The following MARCKSL1 variants were observed in gnomAD, a reference collection of about 807,000 sequenced individuals.
The protein encoded by MARCKSL1 is MARCKS like 1, also known as MARCKS-related protein.
In MARCKSL1, 5 loss-of-function variants were observed where a neutral mutation model predicts 13.3. That is an observed-to-expected ratio of 0.38 (90% CI 0.20 to 0.79). MARCKSL1 has a LOEUF of 0.79. Ranked by LOEUF, MARCKSL1 falls within the 30% of genes least tolerant of loss-of-function variation. MARCKSL1 has a pLI of 0.45. For synonymous variants in MARCKSL1, 126 were observed against 103.2 expected (o/e 1.22, Z -1.34); for missense variants, 274 against 251.6 (o/e 1.09, Z -0.60).
rs932506198 is a variant in MARCKSL1, at chr1:32,334,256, A to T, written c.*341T>A. On this transcript the variant is annotated 3_prime_UTR_variant, in exon 2 of 2. Transcript: ENST00000329421. The stretch of plus-strand genomic sequence containing the variant: ...AGGGATTTGGGGAGTAGGGTAAACA[A>T]AACCTACTTGGAAAAGAATTGGGGA... 1 of 211,690 alleles carries T rather than the reference A, an allele frequency of 4.7e-6. No individual in the cohort carries two copies. Among genetic ancestry groups the T allele is most frequent in the African/African-American group, 2.3e-5 (1 of 43,764 alleles). 13.1% of individuals were successfully genotyped at this position (211,690 alleles called of 1,614,324 possible). A position where few individuals can be genotyped will look rare whatever the true frequency, so the allele number is the denominator to read the frequency against.
chr1:32,334,774 C>T lies in MARCKSL1; in HGVS notation c.411G>A (p.Glu137=), dbSNP rs755357272. 21 of 1,611,390 alleles carry T rather than the reference C, an allele frequency of 1.3e-5. No individual in the cohort carries two copies. The highest frequency in any genetic ancestry group is 1.7e-5 in the Non-Finnish European group (20 of 1,179,794). ...CGGCCTTCCCTTCCTGAGCAGTGCC[C>T]TCGTCGCTGCAGGCACCGATCTCCC... The part of the protein sequence containing the change: ...EQGEIGACSD[E]GTAQEGKAAA... Residue 137 remains glutamate, a synonymous_variant, in exon 2 of 2, where the codon GAG becomes GAA. Coordinates refer to ENST00000329421, the MANE Select transcript of MARCKSL1 (RefSeq NM_023009.7).
At position 32,334,663 on chromosome 1, in the gene MARCKSL1, T is replaced by A; in HGVS notation, c.522A>T (p.Thr174=). Residue 174 remains threonine (T), a synonymous_variant, in exon 2 of 2, where the codon ACA becomes ACT. Coordinates refer to ENST00000329421, the MANE Select transcript of MARCKSL1 (RefSeq NM_023009.7). ...CCGGCCCCGAGGGAGTGGATGGCTC[T>A]GTAGCCTGGGGCCCTGCCTCTTCTT... is the stretch of plus-strand genomic sequence containing the variant. ...ASEEEAGPQA[T]EPSTPSGPES... The A allele has an allele frequency of 1.2e-6, 2 of 1,610,846 alleles. No homozygotes were observed. The highest frequency in any genetic ancestry group is 1.7e-6 in the Non-Finnish European group (2 of 1,178,730).
rs1298885744 is a variant in MARCKSL1, at chr1:32,334,671, G to A, written c.514C>T (p.Gln172Ter). 6.2e-7 allele frequency: 1 copy of A among 1,611,678 alleles called. No homozygotes were observed. Residue 172 changes from glutamine to a stop codon, truncating the protein, a stop_gained, in exon 2 of 2, where the codon CAG becomes TAG. Coordinates refer to ENST00000329421, the MANE Select transcript of MARCKSL1 (RefSeq NM_023009.7). LOFTEE classifies it high-confidence loss of function. Reference protein sequence around the residue: ...SAASEEEAGPQATEPSTPSGP... With the variant: ...SAASEEEAGP ...GAGGGAGTGGATGGCTCTGTAGCCTGGGGCCCTGCCTCTTCTTCTGAGGCT... is the reference window on the plus strand; with the variant it reads ...GAGGGAGTGGATGGCTCTGTAGCCTAGGGCCCTGCCTCTTCTTCTGAGGCT...
rs757788942 is a variant in MARCKSL1, at chr1:32,335,104, G to C, written c.88-7C>G. 4 of 1,519,714 alleles carry C rather than the reference G, an allele frequency of 2.6e-6. No homozygotes were observed. The highest frequency in any genetic ancestry group is 3.5e-6 in the Non-Finnish European group (4 of 1,135,642). The allele number at this position is 1,519,714 out of a possible 1,614,324, so 94.1% of individuals were successfully genotyped here. Reference sequence around the variant, plus strand: ...TTTTCACGTGGCCATTCTCCTGCAGGGCAGAGGGAATAGCAATGAGGGCAG... The same window carrying C: ...TTTTCACGTGGCCATTCTCCTGCAGCGCAGAGGGAATAGCAATGAGGGCAG... On this transcript the variant is annotated splice_polypyrimidine_tract_variant and splice_region_variant and intron_variant, in intron 1 of 1. Coordinates refer to ENST00000329421, the MANE Select transcript of MARCKSL1 (RefSeq NM_023009.7). The surrounding 1 kb of genome is among the most constrained non-coding windows in gnomAD (Gnocchi z 4.1).
rs1405562320 is a variant in MARCKSL1, at chr1:32,334,687, T to G, written c.498A>C (p.Glu166Asp). ...CTGTAGCCTGGGGCCCTGCCTCTTC[T>G]TCTGAGGCTGCACTAGCCTCTGCCC... ...AKGAEASAAS[E>D]EEAGPQATEP... is the part of the protein sequence containing the mutation. The change falls in exon 2 of 2, where the codon GAA (glutamate) becomes GAC (aspartate). Residue 166 changes from glutamate (E) to aspartate (D), a missense_variant. Transcript: ENST00000329421. The G allele has an allele frequency of 6.2e-7, 1 of 1,612,188 alleles. No individual in the cohort carries two copies. The highest frequency in any genetic ancestry group is 8.5e-7 in the Non-Finnish European group (1 of 1,179,720).
Position 32,335,865 on chromosome 1 carries a change from C to T in MARCKSL1, c.87+82G>A, listed in dbSNP as rs905179936. On this transcript the variant is annotated intron_variant, in intron 1 of 1. Coordinates refer to ENST00000329421, the MANE Select transcript of MARCKSL1 (RefSeq NM_023009.7). The surrounding 1 kb of genome is among the most constrained non-coding windows in gnomAD (Gnocchi z 4.1). Reference sequence around the variant, plus strand: ...CGTGTCCCGGGCCGGACAAAGCGCGCGGCCCCGGCCCCGGCCCCGGGCCCT... The same window carrying T: ...CGTGTCCCGGGCCGGACAAAGCGCGTGGCCCCGGCCCCGGCCCCGGGCCCT... The T allele has an allele frequency of 2.5e-5, 19 of 748,684 alleles. No individual in the cohort carries two copies. The African/African-American group carries it at 2.9e-4, about 12-fold the overall frequency. 46.4% of individuals were successfully genotyped at this position (748,684 alleles called of 1,614,324 possible). A position where few individuals can be genotyped will look rare whatever the true frequency, so the allele number is the denominator to read the frequency against.
At position 32,335,838 on chromosome 1, in the gene MARCKSL1, C is replaced by G. The variant is rs1641382557; in HGVS notation, c.87+109G>C. ...AGGGACCGGGCGGGGGAGGGGGCGC[C>G]GCGTGTCCCGGGCCGGACAAAGCGC... On this transcript the variant is annotated intron_variant, in intron 1 of 1. Transcript: ENST00000329421. The surrounding 1 kb of genome is among the most constrained non-coding windows in gnomAD (Gnocchi z 4.1). The G allele has an allele frequency of 2.1e-6, 1 of 484,662 alleles. No homozygotes were observed. Among genetic ancestry groups the G allele is most frequent in the Non-Finnish European group, 3.2e-6 (1 of 315,492 alleles). The allele number at this position is 484,662 out of a possible 1,614,324, so 30.0% of individuals were successfully genotyped here.
rs1641378016 is a variant in MARCKSL1 at position 32,335,668 on chromosome 1, T to C, written c.87+279A>G. Among the ~76,000 whole-genome samples the C allele has an allele frequency of 6.6e-6, 1 of 151,282 alleles. No individual in the cohort carries two copies. Among genetic ancestry groups the C allele is most frequent in the South Asian group, 2.1e-4 (1 of 4,812 alleles). Reference sequence around the variant, plus strand: ...CCCCTTGGCGTGGCCCAGCAGCGCCTTTGTTCCCCGCGCGGCACTCGGGGC... The same window carrying C: ...CCCCTTGGCGTGGCCCAGCAGCGCCCTTGTTCCCCGCGCGGCACTCGGGGC... On this transcript the variant is annotated intron_variant, in intron 1 of 1. Coordinates refer to ENST00000329421, the MANE Select transcript of MARCKSL1 (RefSeq NM_023009.7). This position sits in a 1 kb window ranked among gnomAD's most constrained non-coding sequence, Gnocchi z 4.1.
In MARCKSL1 at chr1:32,336,044, T is replaced by C. The variant is rs1472743937; in HGVS notation, c.-11A>G. On this transcript the variant is annotated 5_prime_UTR_variant, in exon 1 of 2. Coordinates refer to ENST00000329421, the MANE Select transcript of MARCKSL1 (RefSeq NM_023009.7). ...GCTCTGGCTGCCCATGATGGGGGTC[T>C]GCTGGGGGGCGCTTGGAGCCGCCCC... is the stretch of plus-strand genomic sequence containing the variant. 1 of 1,203,026 alleles carries C rather than the reference T, an allele frequency of 8.3e-7. No homozygotes were observed. The highest frequency in any genetic ancestry group is 1.0e-6 in the Non-Finnish European group (1 of 963,348). The allele number at this position is 1,203,026 out of a possible 1,614,324, so 74.5% of individuals were successfully genotyped here. A position where few individuals can be genotyped will look rare whatever the true frequency, so the allele number is the denominator to read the frequency against.
rs1253919778 is a variant in MARCKSL1, at chr1:32,335,148, C to T, written c.88-51G>A. On this transcript the variant is annotated intron_variant, in intron 1 of 1. Coordinates refer to ENST00000329421, the MANE Select transcript of MARCKSL1 (RefSeq NM_023009.7). This position sits in a 1 kb window ranked among gnomAD's most constrained non-coding sequence, Gnocchi z 4.1. ...AGGGCAGGGGCTCCCCCTCCCCCAG[C>T]CCGCTTCTGATCCCTTCTAGAGGAA... 2.7e-6 allele frequency: 4 copies of T among 1,493,890 alleles called. No homozygotes were observed. The highest frequency in any genetic ancestry group is 3.6e-6 in the Non-Finnish European group (4 of 1,123,468). 92.5% of individuals were successfully genotyped at this position (1,493,890 alleles called of 1,614,324 possible).
rs1340740890 is a variant in MARCKSL1, at chr1:32,336,098, G to A, written c.-65C>T. ...CTCGCGCCGCAGGGGATAGTACGGC[G>A]GGGTCGGCCCGGCCGGCGGAGGGGT... On this transcript the variant is annotated 5_prime_UTR_variant, in exon 1 of 2. Transcript: ENST00000329421. The A allele has an allele frequency of 2.1e-6, 2 of 972,348 alleles. No homozygotes were observed. The highest frequency in any genetic ancestry group is 2.7e-6 in the Non-Finnish European group (2 of 743,944). The allele number at this position is 972,348 out of a possible 1,614,324, so 60.2% of individuals were successfully genotyped here.
In MARCKSL1 at chr1:32,335,290, G is replaced by A. The variant is rs560367380; in HGVS notation, c.88-193C>T. ...TCACGGGCGCGCGGGGAGCGAGCGC[G>A]CAGAGGGCGCGACCGGCAGGAGGCG... On this transcript the variant is annotated intron_variant, in intron 1 of 1. Transcript: ENST00000329421. This position sits in a 1 kb window ranked among gnomAD's most constrained non-coding sequence, Gnocchi z 4.1. Among the ~76,000 whole-genome samples, 1 of 152,140 alleles carries A rather than the reference G, an allele frequency of 6.6e-6. No homozygotes were observed. Among genetic ancestry groups the A allele is most frequent in the African/African-American group, 2.4e-5 (1 of 41,454 alleles).
rs1444985806 is a variant in MARCKSL1 at position 32,335,582 on chromosome 1, G to A, written c.87+365C>T. Among the ~76,000 whole-genome samples, 1 of 151,518 alleles carries A rather than the reference G, an allele frequency of 6.6e-6. No homozygotes were observed. The highest frequency in any genetic ancestry group is 1.5e-5 in the Non-Finnish European group (1 of 67,722). On this transcript the variant is annotated intron_variant, in intron 1 of 1. Transcript: ENST00000329421. This position sits in a 1 kb window ranked among gnomAD's most constrained non-coding sequence, Gnocchi z 4.1. ...AAAAAAAAAGACCGTGGGCCACCGA[G>A]GTCGGGTCGGCGGGTGGAGTGCGCT...
In MARCKSL1 at chr1:32,335,864, GCGGCCCCGGCCC is replaced by G. The variant is rs919329416; in HGVS notation, c.87+71_87+82del. 29 of 749,372 alleles carry G rather than the reference GCGGCCCCGGCCC, an allele frequency of 3.9e-5. No individual in the cohort carries two copies. Among genetic ancestry groups the G allele is most frequent in the African/African-American group, 3.9e-4 (21 of 54,326 alleles). 46.4% of individuals were successfully genotyped at this position (749,372 alleles called of 1,614,324 possible). On this transcript the variant is annotated intron_variant, in intron 1 of 1. Transcript: ENST00000329421. The surrounding 1 kb of genome is among the most constrained non-coding windows in gnomAD (Gnocchi z 4.1). ...GCGTGTCCCGGGCCGGACAAAGCGC[GCGGCCCCGGCCC>G]CGGCCCCGGGCCCTAGAAGGGGCGA...
rs1472316049 is a variant in MARCKSL1, at chr1:32,335,693, C to A, written c.87+254G>T. On this transcript the variant is annotated intron_variant, in intron 1 of 1. Coordinates refer to ENST00000329421, the MANE Select transcript of MARCKSL1 (RefSeq NM_023009.7). This position sits in a 1 kb window ranked among gnomAD's most constrained non-coding sequence, Gnocchi z 4.1. ...TTTGTTCCCCGCGCGGCACTCGGGG[C>A]GGCCGGGGGGCAGCGCCGGGGACCG... 6.6e-6 allele frequency among the ~76,000 whole-genome samples: 1 copy of A among 151,444 alleles called. No homozygotes were observed. The highest frequency in any genetic ancestry group is 1.5e-5 in the Non-Finnish European group (1 of 67,794).
rs1314853789 is a variant in MARCKSL1, at chr1:32,335,977, T to C, written c.57A>G (p.Ala19=). The C allele has an allele frequency of 3.1e-6, 4 of 1,293,426 alleles. No homozygotes were observed. The highest frequency in any genetic ancestry group is 3.9e-6 in the Non-Finnish European group (4 of 1,018,030). The allele number at this position is 1,293,426 out of a possible 1,614,324, so 80.1% of individuals were successfully genotyped here. The change falls in exon 1 of 2, where the codon GCA becomes GCG. Residue 19 remains alanine (A), a synonymous_variant. Coordinates refer to ENST00000329421, the MANE Select transcript of MARCKSL1 (RefSeq NM_023009.7). The surrounding 1 kb of genome is among the most constrained non-coding windows in gnomAD (Gnocchi z 4.1). ...PRGDVTAEEA[A]GASPAKANGQ... is the part of the protein sequence containing the mutation. ...CGTTGGCCTTCGCGGGGGAAGCGCCTGCTGCCTCCTCGGCGGTCACGTCGC... is the reference window on the plus strand; with the variant it reads ...CGTTGGCCTTCGCGGGGGAAGCGCCCGCTGCCTCCTCGGCGGTCACGTCGC...
At position 32,335,624 on chromosome 1, in the gene MARCKSL1, C is replaced by T. The variant is rs942142669; in HGVS notation, c.87+323G>A. ...GAGTGCGCTCCCCGCCGGGCCCCAG[C>T]TCCGCGGCCCCTGGGCGCCCCCTTG... On this transcript the variant is annotated intron_variant, in intron 1 of 1. Coordinates refer to ENST00000329421, the MANE Select transcript of MARCKSL1 (RefSeq NM_023009.7). This position sits in a 1 kb window ranked among gnomAD's most constrained non-coding sequence, Gnocchi z 4.1. Among the ~76,000 whole-genome samples the T allele has an allele frequency of 5.9e-5, 9 of 151,766 alleles. No homozygotes were observed. The highest frequency in any genetic ancestry group is 2.0e-4 in the Admixed American group (3 of 15,274).
Position 32,336,022 on chromosome 1 carries a change from C to T in MARCKSL1, c.12G>A (p.Gln4=). The T allele has an allele frequency of 7.8e-7, 1 of 1,286,762 alleles. No homozygotes were observed. Among genetic ancestry groups the T allele is most frequent in the East Asian group, 2.9e-5 (1 of 34,482 alleles). 79.7% of individuals were successfully genotyped at this position (1,286,762 alleles called of 1,614,324 possible). A position where few individuals can be genotyped will look rare whatever the true frequency, so the allele number is the denominator to read the frequency against. The change falls in exon 1 of 2, where the codon CAG becomes CAA. Residue 4 remains glutamine (Q), a synonymous_variant. Transcript: ENST00000329421. ...CGTCGCCCCGGGGAGCCTTGGAGCT[C>T]TGGCTGCCCATGATGGGGGTCTGCT... MGS[Q]SSKAPRGDVT...
In MARCKSL1 at chr1:32,334,992, T is replaced by C. The variant is rs752941315; in HGVS notation, c.193A>G (p.Ile65Val). The change falls in exon 2 of 2, where the codon ATC (isoleucine) becomes GTC (valine). Residue 65 changes from isoleucine to valine, a missense_variant. Ile to Val is a conservative substitution (Grantham distance 29). Transcript: ENST00000329421. ...DEAAGATGDA[I>V]EPAPPSQGAE... ...CCCTGGCTAGGGGGTGCTGGCTCGA[T>C]GGCATCGCCAGTGGCCCCGGCTGCC... 98 of 1,607,426 alleles carry C rather than the reference T, an allele frequency of 6.1e-5. 1 individual carries two copies. The highest frequency in any genetic ancestry group is 4.3e-4 in the Admixed American group (25 of 58,666).
Sources: gnomAD v4.1 joint callset for allele counts (sites outside exome capture counted in the v4.1 genomes callset) on GRCh38, gnomAD v4.1.1 for gene constraint, Gnocchi (gnomAD v3.1) non-coding constraint, MANE v1.5 for transcripts, NCBI Gene and HGNC (gene_info 2026-07-23, HGNC 2026-07-21) for gene names.